Variants in PHF24 observed in about 807,000 individuals in gnomAD.
PHF24 encodes the protein Galpha inhibitory interacting protein.
PHF24 carries 25 observed loss-of-function variants against 42.6 expected under a neutral mutation model. The observed-to-expected ratio is 0.59, with a 90% CI of 0.43 to 0.82. PHF24 has a LOEUF of 0.82. Ranked by LOEUF, PHF24 falls within the 40% of genes least tolerant of loss-of-function variation. The probability of loss-of-function intolerance (pLI) is 0.00; values close to 1 mark genes in which losing one functional copy is unlikely to be tolerated. For missense variants in PHF24, 470 were observed against 538.1 expected, an observed-to-expected ratio of 0.87 and a Z score of 1.25; for synonymous variants, 185 against 204.8, an observed-to-expected ratio of 0.90 and a Z score of 0.83.
the PHF24 span, among the ~76,000 whole-genome samples, chr9:34,914,138 A>G: frequency 6.6e-6 from 1 of 152,082 alleles, no homozygotes; most frequent in Non-Finnish European, 1.5e-5. Context: ...GACAATTTTT[A>G]TTTACTGTCA....
At chr9:34,978,747 CTTTA>C (rs1231238135) in exon 8 of PHF24, 1 of 152,188 alleles carries the variant, frequency 6.6e-6, no homozygotes, top group Non-Finnish European at 1.5e-5. Flanking sequence ...AAATTCAGCC[CTTTA>C]TTTATTTAAA....
chr9:34,926,492 G>A, the PHF24 span, among the ~76,000 whole-genome samples: 1 of 152,190 alleles, frequency 6.6e-6, no homozygotes, highest in Non-Finnish European at 1.5e-5. The surrounding 1 kb of genome is among the most constrained non-coding windows in gnomAD (Gnocchi z 4.3). Flanking sequence ...GGACACAGCT[G>A]CACAACTGCT....
At chr9:34,740,074 G>C in the PHF24 span, among the ~76,000 whole-genome samples, 1 of 152,150 alleles carries the variant, frequency 6.6e-6, no homozygotes, top group Non-Finnish European at 1.5e-5. Flanking sequence ...TACAAACCTT[G>C]AACTAGATAC....
chr9:34,937,429 T>A, the PHF24 span, among the ~76,000 whole-genome samples: 1 of 152,110 alleles, frequency 6.6e-6, no homozygotes, highest in African/African-American at 2.4e-5. Context: ...ATGTGCTTTG[T>A]TAAACAGATG....
chr9:34,833,183 T>A, the PHF24 span: 6 of 1,538,060 alleles, frequency 3.9e-6, no homozygotes, highest in Non-Finnish European at 5.3e-6. Context: ...CATGGGGACA[T>A]GGGCTGGGTC....
At chr9:34,940,122 T>C in the PHF24 span, among the ~76,000 whole-genome samples, 1 of 152,156 alleles carries the variant, frequency 6.6e-6, no homozygotes. Context: ...CTGCCAAACT[T>C]CACCCTTATA....
At chr9:34,766,409 C>A in the PHF24 span, among the ~76,000 whole-genome samples, 1,883 of 152,218 alleles carry the variant, frequency 0.012, 23 homozygotes, top group Admixed American at 0.028. Context: ...TCTTTTTATT[C>A]TTTTTTCTCT....
chr9:34,828,107 G>A, the PHF24 span, among the ~76,000 whole-genome samples: 1 of 151,768 alleles, frequency 6.6e-6, no homozygotes, highest in Admixed American at 6.6e-5. Context: ...TTCTAGCTTT[G>A]CCTCTGCATA....
chr9:34,833,165 C>T, the PHF24 span: 2 of 1,549,630 alleles, frequency 1.3e-6, no homozygotes, highest in African/African-American at 2.7e-5. Context: ...CTCTCTGTTT[C>T]CTGCTAGCAT....
chr9:34,945,131 C>G, the PHF24 span, among the ~76,000 whole-genome samples: 1 of 152,108 alleles, frequency 6.6e-6, no homozygotes, highest in Admixed American at 6.6e-5. Flanking sequence ...GAGAGTTTTC[C>G]CAGGTAACCT....
At chr9:34,879,773 T>C in the PHF24 span, among the ~76,000 whole-genome samples, 2 of 152,278 alleles carry the variant, frequency 1.3e-5, no homozygotes, top group African/African-American at 4.8e-5. Context: ...TGGAAAACAC[T>C]CTTCAGGATA....
the PHF24 span, among the ~76,000 whole-genome samples, chr9:34,880,995 T>G: frequency 0.47 from 71,938 of 151,954 alleles, 17,976 homozygotes; most frequent in Non-Finnish European, 0.56. Flanking sequence ...AAAACAGAAA[T>G]TATAACAAAT....
At chr9:34,961,855 C>G (rs1258442199) in intron 1 of PHF24, among the ~76,000 whole-genome samples, 6 of 152,184 alleles carry the variant, frequency 3.9e-5, no homozygotes, top group African/African-American at 1.2e-4. Context: ...TATATGTTGG[C>G]TGTTTGGTTT....
chr9:34,935,877 G>A, the PHF24 span, among the ~76,000 whole-genome samples: 6 of 151,904 alleles, frequency 3.9e-5, no homozygotes, highest in African/African-American at 1.2e-4. Flanking sequence ...GGAAAAAAGA[G>A]GTTAAATTGG....
chr9:34,702,232 G>T, the PHF24 span, among the ~76,000 whole-genome samples: 1 of 152,130 alleles, frequency 6.6e-6, no homozygotes, highest in African/African-American at 2.4e-5. Flanking sequence ...CTAGAAAGAT[G>T]AAGGAAATGA....
At chr9:34,857,152 A>G in the PHF24 span, among the ~76,000 whole-genome samples, 1 of 152,106 alleles carries the variant, frequency 6.6e-6, no homozygotes. Context: ...TCCCCCTAGG[A>G]ACTTGGTCCA....
At chr9:34,801,182 A>G in the PHF24 span, among the ~76,000 whole-genome samples, 5 of 152,186 alleles carry the variant, frequency 3.3e-5, no homozygotes, top group African/African-American at 1.2e-4. Flanking sequence ...GCGAGGCTGT[A>G]GAGAAACAGG....
At chr9:34,810,384 G>A in the PHF24 span, among the ~76,000 whole-genome samples, 2 of 152,310 alleles carry the variant, frequency 1.3e-5, no homozygotes, top group South Asian at 2.1e-4. Flanking sequence ...ATGGACTCCC[G>A]GGGTGCTCTC....
exon 8 of PHF24, chr9:34,979,070 G>A (rs1031855934): frequency 2.6e-5 from 4 of 152,118 alleles, no homozygotes; most frequent in Admixed American, 2.6e-4. Context: ...ACACTCTGGA[G>A]GAAGAGGAGA....
Sources: gnomAD v4.1 joint callset for allele counts (sites outside exome capture counted in the v4.1 genomes callset) on GRCh38, gnomAD v4.1.1 for gene constraint, Gnocchi (gnomAD v3.1) non-coding constraint, MANE v1.5 for transcripts, NCBI Gene and HGNC (gene_info 2026-07-23, HGNC 2026-07-21) for gene names.